Variants in NADK2 observed in about 807,000 individuals in gnomAD.
The protein encoded by NADK2 is NAD kinase domain-containing protein 1, mitochondrial.
A neutral mutation model predicts 62.1 loss-of-function variants in NADK2; 35 were observed. The observed-to-expected ratio is 0.56, with a 90% confidence interval of 0.43 to 0.75. The LOEUF is 0.75. NADK2 is among the 30% of genes least tolerant of loss of function. The pLI, the probability that NADK2 is intolerant of heterozygous loss-of-function variation, is 0.00. For synonymous variants in NADK2, 205 were observed against 207.9 expected, an observed-to-expected ratio of 0.99 and a Z score of 0.12; for missense variants, 439 against 561.3, an observed-to-expected ratio of 0.78 and a Z score of 2.20.
intron 3 of NADK2, among the ~76,000 whole-genome samples, 155 bp downstream of exon 3, chr5:36,226,320 A>G (rs1209558482): frequency 1.3e-5 from 2 of 152,222 alleles, no homozygotes; most frequent in Non-Finnish European, 2.9e-5. Context: ...AGCCTTGTAT[A>G]AAACAGAAGT....
intron 7 of NADK2, among the ~76,000 whole-genome samples, chr5:36,211,608 C>A (rs1463072025): frequency 6.6e-6 from 1 of 151,862 alleles, no homozygotes; most frequent in African/African-American, 2.4e-5. Context: ...CTCTGGGACA[C>A]AGTACAATAA....
At chr5:36,220,995 C>A (rs1747245449) in intron 4 of NADK2, 1 of 152,228 alleles carries the variant, frequency 6.6e-6, no homozygotes, top group Non-Finnish European at 1.5e-5. Flanking sequence ...CCATTTATGA[C>A]CTGGCCTTGG....
intron 7 of NADK2, chr5:36,208,585 T>C (rs1290798117): frequency 8.7e-6 from 12 of 1,381,420 alleles, no homozygotes; most frequent in Non-Finnish European, 1.2e-5. Flanking sequence ...GAATTTTTGT[T>C]TCAGGGAAAT....
intron 1 of NADK2, among the ~76,000 whole-genome samples, chr5:36,239,778 T>C (rs1213690931): frequency 6.6e-6 from 1 of 152,210 alleles, no homozygotes; most frequent in Non-Finnish European, 1.5e-5. Flanking sequence ...TGGTACTACC[T>C]CTGCAATTCA....
At position 36,241,220 on chromosome 5, in the gene NADK2, C is replaced by T; in HGVS notation, c.300+279G>A. 1 of 400,230 alleles carries T rather than the reference C, an allele frequency of 2.5e-6. No homozygotes were observed. Among genetic ancestry groups the T allele is most frequent in the Non-Finnish European group, 4.0e-6 (1 of 250,028 alleles). 24.8% of individuals were successfully genotyped at this position (400,230 alleles called of 1,614,324 possible). A position where few individuals can be genotyped will look rare whatever the true frequency, so the allele number is the denominator to read the frequency against. ...ACTCTGAGGCCACTCGGCAGCCCCTCTTCGCCCTCCCCGCGGCGCCCCTGC... is the reference window on the plus strand; with the variant it reads ...ACTCTGAGGCCACTCGGCAGCCCCTTTTCGCCCTCCCCGCGGCGCCCCTGC... On this transcript the variant is annotated intron_variant, in intron 1 of 11. Coordinates refer to ENST00000381937, the MANE Select transcript of NADK2 (RefSeq NM_001085411.3). The surrounding 1 kb of genome is among the most constrained non-coding windows in gnomAD (Gnocchi z 4.9).
At chr5:36,211,144 C>T (rs940338229) in intron 7 of NADK2, among the ~76,000 whole-genome samples, 1 of 152,054 alleles carries the variant, frequency 6.6e-6, no homozygotes, top group African/African-American at 2.4e-5. Context: ...ATCAGGGGAA[C>T]CAGCCCCCAA....
chr5:36,221,409 C>T (rs1421172186), intron 4 of NADK2: 4 of 152,238 alleles, frequency 2.6e-5, no homozygotes, highest in Non-Finnish European at 4.4e-5. Context: ...ATGCACAACC[C>T]GTAAGAAATA....
chr5:36,208,527 T>G, intron 7 of NADK2: 1 of 831,486 alleles, frequency 1.2e-6, no homozygotes, highest in Non-Finnish European at 1.9e-6. Context: ...ATGAGCAAAT[T>G]TAGTGTCATT....
At chr5:36,215,015 T>C (rs1347051104) in intron 6 of NADK2, among the ~76,000 whole-genome samples, 1 of 152,174 alleles carries the variant, frequency 6.6e-6, no homozygotes, top group Non-Finnish European at 1.5e-5. Flanking sequence ...AGGATGTGCA[T>C]AGGTTATATG....
intron 1 of NADK2, among the ~76,000 whole-genome samples, chr5:36,229,011 T>C (rs1178909578): frequency 6.6e-6 from 1 of 152,160 alleles, no homozygotes; most frequent in Non-Finnish European, 1.5e-5. Context: ...TTTTAATACA[T>C]ATTTTACTTT....
At chr5:36,208,549 G>T in intron 7 of NADK2, 1 of 1,045,034 alleles carries the variant, frequency 9.6e-7, no homozygotes, top group African/African-American at 1.6e-5. Context: ...TCACATGCAA[G>T]ATTTATCAAG....
chr5:36,195,936 G>A (rs1746215236), intron 11 of NADK2, among the ~76,000 whole-genome samples: 1 of 152,050 alleles, frequency 6.6e-6, no homozygotes, highest in South Asian at 2.1e-4. Context: ...TCAAAAGTAT[G>A]TTTGTGAAAT....
intron 1 of NADK2, among the ~76,000 whole-genome samples, chr5:36,235,673 A>G (rs1747878214): frequency 6.6e-6 from 1 of 152,008 alleles, no homozygotes; most frequent in Non-Finnish European, 1.5e-5. Context: ...CCTGCTTGAG[A>G]ACTGTGAATA....
intron 6 of NADK2, among the ~76,000 whole-genome samples, chr5:36,212,821 C>A (rs986290237): frequency 6.6e-6 from 1 of 152,170 alleles, no homozygotes; most frequent in Non-Finnish European, 1.5e-5. Context: ...AAGCTGGTCC[C>A]CAGTGATTCC....
intron 1 of NADK2, among the ~76,000 whole-genome samples, chr5:36,227,876 G>A (rs1170954536): frequency 1.4e-5 from 2 of 143,428 alleles, no homozygotes; most frequent in African/African-American, 2.6e-5. Context: ...ATGGAGTCTC[G>A]CTCTGTTGCC....
chr5:36,200,833 C>T (rs1355002296), intron 9 of NADK2, among the ~76,000 whole-genome samples: 1 of 151,888 alleles, frequency 6.6e-6, no homozygotes, highest in African/African-American at 2.4e-5. Context: ...GTAGTGATGT[C>T]GGCAAATCAG....
In NADK2 at chr5:36,241,612, C is replaced by CCGCGCGGCTGCCACAGCCCGCCAGCT. The variant is rs751370720; in HGVS notation, c.161_186dup (p.Asp63SerfsTer44). On this transcript the variant is annotated frameshift_variant, in exon 1 of 12. Transcript: ENST00000381937. LOFTEE classifies it high-confidence loss of function. This position sits in a 1 kb window ranked among gnomAD's most constrained non-coding sequence, Gnocchi z 4.9. ...ACCCGGGAGGGGCGGAAGCCGCCGT[C>CCGCGCGGCTGCCACAGCCCGCCAGCT]CGCGCGGCTGCCACAGCCCGCCAGC... The CCGCGCGGCTGCCACAGCCCGCCAGCT allele has an allele frequency of 1.1e-5, 16 of 1,492,998 alleles. No homozygotes were observed. The highest frequency in any genetic ancestry group is 1.0e-4 in the African/African-American group (7 of 68,596). 92.5% of individuals were successfully genotyped at this position (1,492,998 alleles called of 1,614,324 possible).
intron 4 of NADK2, among the ~76,000 whole-genome samples, chr5:36,224,235 G>A (rs530844486): frequency 2.6e-5 from 4 of 152,138 alleles, no homozygotes; most frequent in Non-Finnish European, 5.9e-5. Flanking sequence ...TAGCAGTACT[G>A]ATGCAGAAGT....
At chr5:36,217,990 A>G (rs1747112344) in intron 5 of NADK2, 106 bp from the exon 6 acceptor site, 3 of 991,938 alleles carry the variant, frequency 3.0e-6, no homozygotes, top group Admixed American at 2.7e-5. Context: ...ACTAGTTACC[A>G]GTTATTCCAT....
Sources: gnomAD v4.1 joint callset for allele counts (sites outside exome capture counted in the v4.1 genomes callset) on GRCh38, gnomAD v4.1.1 for gene constraint, Gnocchi (gnomAD v3.1) non-coding constraint, MANE v1.5 for transcripts, NCBI Gene and HGNC (gene_info 2026-07-23, HGNC 2026-07-21) for gene names.